GABARAPL2: variants seen among roughly 807,000 people sequenced by gnomAD.
The protein encoded by GABARAPL2 is gamma-aminobutyric acid receptor-associated protein-like 2.
GABARAPL2 carries 11 observed loss-of-function variants against 16.9 expected under a neutral mutation model. The ratio of observed to expected loss-of-function variants is 0.65; its 90% confidence interval spans 0.41 to 1.08. GABARAPL2 has a LOEUF of 1.08. Ranked by LOEUF, GABARAPL2 falls within the 50% of genes least tolerant of loss-of-function variation. The probability of loss-of-function intolerance (pLI) is 0.00; values close to 1 mark genes in which losing one functional copy is unlikely to be tolerated. For missense variants in GABARAPL2, 134 were observed against 142.5 expected, an observed-to-expected ratio of 0.94 and a Z score of 0.30; for synonymous variants, 57 against 50.7, an observed-to-expected ratio of 1.12 and a Z score of -0.53.
intron 3 of GABARAPL2, 101 bp downstream of exon 3, chr16:75,568,310 G>A (rs1454547597): frequency 1.1e-5 from 8 of 757,196 alleles, no homozygotes; most frequent in African/African-American, 1.7e-5. Flanking sequence ...TAGGGGTCCT[G>A]ACTAGAAATC....
intron 1 of GABARAPL2, 43 bp downstream of exon 1, chr16:75,566,563 G>A (rs1304393120): frequency 1.9e-6 from 3 of 1,599,192 alleles, no homozygotes; most frequent in Non-Finnish European, 2.6e-6. Context: ...GGCTGGGGCG[G>A]CGGGTGGGCC....
At chr16:75,573,945 G>C (rs1263660557) in intron 3 of GABARAPL2, among the ~76,000 whole-genome samples, 1 of 152,240 alleles carries the variant, frequency 6.6e-6, no homozygotes, top group Non-Finnish European at 1.5e-5. Context: ...TACATGTAAT[G>C]TATAAGCAGT....
chr16:75,570,261 G>A (rs559287133), intron 3 of GABARAPL2, among the ~76,000 whole-genome samples: 65 of 152,128 alleles, frequency 4.3e-4, no homozygotes, highest in African/African-American at 1.4e-3. Flanking sequence ...TCACCACACC[G>A]GGCTAAAAAT....
At chr16:75,575,234 AG>A (rs1450613254) in intron 3 of GABARAPL2, among the ~76,000 whole-genome samples, 1 of 152,132 alleles carries the variant, frequency 6.6e-6, no homozygotes, top group African/African-American at 2.4e-5. Context: ...AATGGATGCA[AG>A]CCACATATGT....
At chr16:75,568,299 T>C in intron 3 of GABARAPL2, 90 bp downstream of exon 3, 1 of 859,092 alleles carries the variant, frequency 1.2e-6, no homozygotes, top group Admixed American at 2.3e-5. Flanking sequence ...CTGAAAACTC[T>C]TAGGGGTCCT....
chr16:75,576,263 A>C (rs2080948893), intron 3 of GABARAPL2: 1 of 152,168 alleles, frequency 6.6e-6, no homozygotes, highest in Non-Finnish European at 1.5e-5. Context: ...CAGGAAAAAA[A>C]CTCAAAACCT....
At chr16:75,567,815 C>A (rs1039200841) in intron 2 of GABARAPL2, among the ~76,000 whole-genome samples, 1 of 152,216 alleles carries the variant, frequency 6.6e-6, no homozygotes, top group Non-Finnish European at 1.5e-5. Context: ...ATTTCTCTTA[C>A]ATAATTGACC....
At chr16:75,566,630 G>T in intron 1 of GABARAPL2, 110 bp downstream of exon 1, 1 of 1,278,134 alleles carries the variant, frequency 7.8e-7, no homozygotes, top group Non-Finnish European at 1.1e-6. Flanking sequence ...GCCCTGCTGC[G>T]GGCTGGAGTC....
At chr16:75,569,930 C>G (rs55714466) in intron 3 of GABARAPL2, among the ~76,000 whole-genome samples, 5,477 of 152,236 alleles carry the variant, frequency 0.036, 156 homozygotes, top group African/African-American at 0.08. Flanking sequence ...ACTGGTAACT[C>G]AAGTCAGGAT....
In GABARAPL2 at chr16:75,566,477, C is replaced by T; in HGVS notation, c.-10C>T. On this transcript the variant is annotated 5_prime_UTR_variant, in exon 1 of 4. Transcript: ENST00000037243. ...CCGCGAGCCGGTTCCGTCCCCTTCC[C>T]GCCGCCGCCATGAAGTGGATGTTCA... 1 of 1,602,508 alleles carries T rather than the reference C, an allele frequency of 6.2e-7. No individual in the cohort carries two copies. The highest frequency in any genetic ancestry group is 1.1e-5 in the South Asian group (1 of 90,040).
At chr16:75,571,305 A>T (rs1016913041) in intron 3 of GABARAPL2, among the ~76,000 whole-genome samples, 1 of 152,174 alleles carries the variant, frequency 6.6e-6, no homozygotes, top group African/African-American at 2.4e-5. Flanking sequence ...ATTATAACTG[A>T]CATTGGGAAA....
rs145610438 is a variant in GABARAPL2, at chr16:75,572,523, G to A, written c.263+4314G>A. On this transcript the variant is annotated intron_variant, in intron 3 of 3. Transcript: ENST00000037243. Reference sequence around the variant, plus strand: ...AGGTCAGCCTCTCCCAATGCATAGCGCTGTTGGTAGCATAAACTGATGTCT... The same window carrying A: ...AGGTCAGCCTCTCCCAATGCATAGCACTGTTGGTAGCATAAACTGATGTCT... 1,111 of 152,348 alleles carry A rather than the reference G, an allele frequency of 7.3e-3. 13 individuals carry two copies. Among genetic ancestry groups the A allele is most frequent in the Middle Eastern group, 0.017 (5 of 294 alleles). 9.4% of individuals were successfully genotyped at this position (152,348 alleles called of 1,614,324 possible). A position where few individuals can be genotyped will look rare whatever the true frequency, so the allele number is the denominator to read the frequency against.
chr16:75,570,983 T>C (rs2080910799), intron 3 of GABARAPL2, among the ~76,000 whole-genome samples: 1 of 152,242 alleles, frequency 6.6e-6, no homozygotes, highest in Admixed American at 6.5e-5. Flanking sequence ...GAATGGTCTT[T>C]GGTCTTTGTT....
intron 3 of GABARAPL2, 149 bp from the exon 4 acceptor site, chr16:75,577,130 G>A: frequency 3.4e-6 from 2 of 582,944 alleles, no homozygotes; most frequent in Non-Finnish European, 3.1e-6. Context: ...TCTTTTTATG[G>A]CTCCTTTCTC....
intron 3 of GABARAPL2, chr16:75,572,591 A>G (rs1336796413): frequency 6.6e-6 from 1 of 152,300 alleles, no homozygotes; most frequent in Non-Finnish European, 1.5e-5. Flanking sequence ...GTCTTGCTGC[A>G]ACTTTCCTTT....
rs750311316 is a variant in GABARAPL2 at position 75,566,885 on chromosome 16, C to T, written c.68C>T (p.Ala23Val). ...TGCGTGGAGTCCGCGAAGATTCGAG[C>T]GAAATATCCCGACAGGGTTCCGGTG... ...HRCVESAKIR[A>V]KYPDRVPVIV... Residue 23 changes from alanine (A) to valine (V), a missense_variant, in exon 2 of 4, where the codon GCG (alanine) becomes GTG (valine). Ala to Val is a moderately conservative substitution (Grantham distance 64, BLOSUM62 0). Coordinates refer to ENST00000037243, the MANE Select transcript of GABARAPL2 (RefSeq NM_007285.7). 1 of 1,613,518 alleles carries T rather than the reference C, an allele frequency of 6.2e-7. No individual in the cohort carries two copies. The highest frequency in any genetic ancestry group is 8.5e-7 in the Non-Finnish European group (1 of 1,179,768).
intron 3 of GABARAPL2, among the ~76,000 whole-genome samples, chr16:75,573,093 G>T (rs1409549825): frequency 2.0e-5 from 3 of 152,236 alleles, no homozygotes; most frequent in African/African-American, 7.2e-5. Flanking sequence ...TCAGTGCTGT[G>T]TATAGCTCAG....
At chr16:75,568,859 C>G (rs908674028) in intron 3 of GABARAPL2, among the ~76,000 whole-genome samples, 1 of 152,182 alleles carries the variant, frequency 6.6e-6, no homozygotes, top group Non-Finnish European at 1.5e-5. Context: ...GTGTGTTTGA[C>G]AGCCCAGCTT....
At chr16:75,574,894 G>A (rs571939151) in intron 3 of GABARAPL2, among the ~76,000 whole-genome samples, 10 of 151,890 alleles carry the variant, frequency 6.6e-5, no homozygotes, top group East Asian at 5.8e-4. Flanking sequence ...TTAGCCAGGC[G>A]TGGTGGCATG....
Sources: allele counts gnomAD v4.1 joint callset (sites outside exome capture counted in the v4.1 genomes callset), GRCh38; gene constraint gnomAD v4.1.1; transcripts MANE v1.5; gene names NCBI Gene and HGNC (gene_info 2026-07-23, HGNC 2026-07-21).